WDR70: variants seen among roughly 807,000 people sequenced by gnomAD.
WDR70 encodes the protein WD repeat-containing protein 70.
WDR70 carries 53 observed loss-of-function variants against 88.6 expected under a neutral mutation model. The ratio of observed to expected loss-of-function variants is 0.60; its 90% CI spans 0.48 to 0.75. The LOEUF (loss-of-function observed/expected upper bound fraction) is 0.75, where lower values mean the gene tolerates loss of function less well. Among genes scored for constraint, WDR70 ranks in the 30% least tolerant of loss-of-function variants. The pLI, the probability that WDR70 is intolerant of heterozygous loss-of-function variation, is 0.00. For missense variants in WDR70, 610 were observed against 823.2 expected (o/e 0.74, Z 3.17); for synonymous variants, 280 against 270.0 (o/e 1.04, Z -0.36).
chr5:37,668,723 C>T (rs140972072), intron 10 of WDR70, among the ~76,000 whole-genome samples: 48 of 152,338 alleles, frequency 3.2e-4, no homozygotes, highest in African/African-American at 1.1e-3. Context: ...CTGCAGCTTC[C>T]AGCTGGTCAT....
chr5:37,509,369 A>C (rs866548495), intron 8 of WDR70, among the ~76,000 whole-genome samples: 10 of 152,142 alleles, frequency 6.6e-5, no homozygotes, highest in Middle Eastern at 6.8e-3. Context: ...GTTTAAATAT[A>C]CAAGTATTTG....
chr5:37,699,465 T>C (rs73751117), intron 11 of WDR70, among the ~76,000 whole-genome samples: 3,173 of 151,154 alleles, frequency 0.021, 128 homozygotes, highest in African/African-American at 0.072. Flanking sequence ...ACCACATGTA[T>C]GCTGTATTCC....
At chr5:37,698,309 A>G (rs942802026) in intron 11 of WDR70, among the ~76,000 whole-genome samples, 3 of 152,158 alleles carry the variant, frequency 2.0e-5, no homozygotes, top group Admixed American at 6.5e-5. Context: ...AATCTTTATC[A>G]CATAGATAGG....
intron 17 of WDR70, among the ~76,000 whole-genome samples, chr5:37,740,167 G>A (rs573763397): frequency 1.3e-5 from 2 of 152,256 alleles, no homozygotes; most frequent in East Asian, 3.9e-4. Context: ...AAATCTCCTG[G>A]TTCTAGTCCT....
At chr5:37,626,034 A>G (rs1250541021) in intron 10 of WDR70, among the ~76,000 whole-genome samples, 2 of 144,526 alleles carry the variant, frequency 1.4e-5, no homozygotes, top group African/African-American at 2.6e-5. Flanking sequence ...TAAAGTCGGT[A>G]TGTTTTTCCA....
intron 5 of WDR70, among the ~76,000 whole-genome samples, chr5:37,405,478 T>C (rs1749325357): frequency 6.6e-6 from 1 of 151,862 alleles, no homozygotes; most frequent in South Asian, 2.1e-4. Context: ...GCCTCCCGAG[T>C]AGCTGGGATT....
chr5:37,582,199 G>C (rs756621199), intron 9 of WDR70, among the ~76,000 whole-genome samples: 6 of 152,044 alleles, frequency 3.9e-5, no homozygotes, highest in Non-Finnish European at 7.4e-5. Flanking sequence ...GTTGCATTCT[G>C]GTCCTCATTT....
intron 8 of WDR70, among the ~76,000 whole-genome samples, chr5:37,513,222 A>AG (rs1363466775): frequency 6.6e-5 from 10 of 152,350 alleles, no homozygotes; most frequent in South Asian, 4.1e-4. Context: ...ACAGGTACTA[A>AG]GGTAAAGAAC....
At chr5:37,391,917 T>C (rs1748831844) in intron 3 of WDR70, 83 bp from the exon 4 acceptor site, 1 of 1,446,190 alleles carries the variant, frequency 6.9e-7, no homozygotes, top group African/African-American at 1.4e-5. Flanking sequence ...GTGACTATGT[T>C]AATTTTTAGC....
rs547713087 is a variant in WDR70 at position 37,562,542 on chromosome 5, A to G, written c.918-42522A>G. On this transcript the variant is annotated intron_variant, in intron 9 of 17. Coordinates refer to ENST00000265107, the MANE Select transcript of WDR70 (RefSeq NM_018034.4). ...AATAGTGGAGGGAAGGTCAGCAGAT[A>G]AGTGAACAAAGGTCTCTGGTTTTCC... is the stretch of plus-strand genomic sequence containing the variant. Among the ~76,000 whole-genome samples the G allele has an allele frequency of 5.5e-4, 83 of 152,090 alleles. 1 individual carries two copies. In the East Asian group the frequency reaches 0.015, roughly 27 times the overall value.
chr5:37,474,732 G>T (rs997572966), intron 7 of WDR70, among the ~76,000 whole-genome samples: 5 of 151,988 alleles, frequency 3.3e-5, no homozygotes, highest in African/African-American at 1.2e-4. Flanking sequence ...CTGCCACCCA[G>T]GCCCCAATGT....
Position 37,444,558 on chromosome 5 carries a change from G to T in WDR70, c.686+1186G>T, listed in dbSNP as rs181235714. 4.8e-3 allele frequency among the ~76,000 whole-genome samples: 730 copies of T among 152,036 alleles called. 5 individuals carry two copies. The highest frequency in any genetic ancestry group is 0.017 in the African/African-American group (690 of 41,484). ...GGGTTTCACCCAGTAGTCCAGGGTG[G>T]TCTCAAACTCCTGATCTCAAGTAAT... On this transcript the variant is annotated intron_variant, in intron 7 of 17. Coordinates refer to ENST00000265107, the MANE Select transcript of WDR70 (RefSeq NM_018034.4).
intron 8 of WDR70, among the ~76,000 whole-genome samples, chr5:37,513,100 G>A (rs1231694983): frequency 6.6e-6 from 1 of 151,984 alleles, no homozygotes; most frequent in Non-Finnish European, 1.5e-5. Context: ...TTCAATTTTT[G>A]GTTGTCCCAT....
At chr5:37,584,997 CT>C (rs34031872) in intron 9 of WDR70, among the ~76,000 whole-genome samples, 4 of 142,418 alleles carry the variant, frequency 2.8e-5, no homozygotes, top group African/African-American at 5.2e-5. Flanking sequence ...TCTTTGTCCA[CT>C]TTTTTTTTTG....
chr5:37,673,442 G>A lies in WDR70; in HGVS notation c.1093-24213G>A, dbSNP rs572468238. Among the ~76,000 whole-genome samples the A allele has an allele frequency of 2.6e-5, 4 of 152,204 alleles. No homozygotes were observed. In the South Asian group the frequency reaches 6.2e-4, roughly 24 times the overall value. Reference sequence around the variant, plus strand: ...CAGTAATGGGATTGCTGGGTCAAATGGTGGTTCTGTTTTTAGCCCTTTGAA... The same window carrying A: ...CAGTAATGGGATTGCTGGGTCAAATAGTGGTTCTGTTTTTAGCCCTTTGAA... On this transcript the variant is annotated intron_variant, in intron 10 of 17. Coordinates refer to ENST00000265107, the MANE Select transcript of WDR70 (RefSeq NM_018034.4).
chr5:37,432,474 C>T (rs915100860), intron 5 of WDR70, among the ~76,000 whole-genome samples: 11 of 152,212 alleles, frequency 7.2e-5, no homozygotes, highest in South Asian at 6.2e-4. Flanking sequence ...CTGCAACCTC[C>T]GCCTCCTGAG....
chr5:37,663,587 A>G (rs928108267), intron 10 of WDR70, among the ~76,000 whole-genome samples: 1 of 151,992 alleles, frequency 6.6e-6, no homozygotes, highest in Non-Finnish European at 1.5e-5. Flanking sequence ...GTGTTTTCAA[A>G]CTTCCCCAAC....
At chr5:37,551,553 C>G (rs1742145566) in intron 9 of WDR70, among the ~76,000 whole-genome samples, 1 of 151,534 alleles carries the variant, frequency 6.6e-6, no homozygotes, top group Admixed American at 6.6e-5. Context: ...CATGGTGAAA[C>G]CCTGTCTCTA....
chr5:37,688,408 T>C (rs1412946100), intron 10 of WDR70, among the ~76,000 whole-genome samples: 1 of 152,152 alleles, frequency 6.6e-6, no homozygotes, highest in Non-Finnish European at 1.5e-5. Context: ...TTTCTTCTAT[T>C]TGGATATCTA....
Sources: gnomAD v4.1 joint callset for allele counts (sites outside exome capture counted in the v4.1 genomes callset) on GRCh38, gnomAD v4.1.1 for gene constraint, MANE v1.5 for transcripts, NCBI Gene and HGNC (gene_info 2026-07-23, HGNC 2026-07-21) for gene names.